Variants in MACROD2 observed in about 807,000 individuals in gnomAD.
MACROD2 encodes ADP-ribose glycohydrolase MACROD2.
Under a neutral mutation model 70.4 loss-of-function variants are expected in MACROD2, and 36 were observed. The ratio of observed to expected loss-of-function variants is 0.51; its 90% CI spans 0.39 to 0.68. The LOEUF is 0.68. Ranked by LOEUF, MACROD2 falls within the 30% of genes least tolerant of loss-of-function variation. MACROD2 has a pLI of 0.00. For synonymous variants in MACROD2, 172 were observed against 178.8 expected, an observed-to-expected ratio of 0.96 and a Z score of 0.30; for missense variants, 496 against 538.4, an observed-to-expected ratio of 0.92 and a Z score of 0.78.
chr20:14,490,391 A>C (rs765035912), intron 3 of MACROD2, among the ~76,000 whole-genome samples: 5 of 152,194 alleles, frequency 3.3e-5, no homozygotes, highest in Non-Finnish European at 5.9e-5. Flanking sequence ...CCTTGCGTGA[A>C]GTTATTTTAG....
At chr20:15,839,691 T>C (rs2064150695) in intron 8 of MACROD2, among the ~76,000 whole-genome samples, 1 of 152,146 alleles carries the variant, frequency 6.6e-6, no homozygotes. Context: ...CTATAAGAAG[T>C]ATAATGAAAA....
At chr20:15,394,680 A>C (rs2045838165) in intron 6 of MACROD2, among the ~76,000 whole-genome samples, 1 of 152,030 alleles carries the variant, frequency 6.6e-6, no homozygotes, top group African/African-American at 2.4e-5. Flanking sequence ...GTCAGTCCAA[A>C]CTCTCATTCA....
intron 5 of MACROD2, among the ~76,000 whole-genome samples, chr20:15,185,128 CTA>C (rs2076526153): frequency 6.6e-6 from 1 of 152,246 alleles, no homozygotes; most frequent in East Asian, 1.9e-4. Flanking sequence ...AGATCATACT[CTA>C]TTTATCTTTG....
chr20:15,764,695 G>T (rs2051494026), intron 8 of MACROD2, among the ~76,000 whole-genome samples: 1 of 152,032 alleles, frequency 6.6e-6, no homozygotes. Flanking sequence ...CTTCCTGATG[G>T]GTTTTCCTGA....
Position 14,757,582 on chromosome 20 carries a change from A to C in MACROD2, c.418+72623A>C, listed in dbSNP as rs542402363. The C allele has an allele frequency of 1.9e-3, 2,072 of 1,077,910 alleles. 9 individuals are homozygous for C. Among genetic ancestry groups the C allele is most frequent in the Non-Finnish European group, 2.7e-3 (1,898 of 715,160 alleles). 66.8% of individuals were successfully genotyped at this position (1,077,910 alleles called of 1,614,324 possible). On this transcript the variant is annotated intron_variant, in intron 5 of 17. Coordinates refer to ENST00000684519, the MANE Select transcript of MACROD2 (RefSeq NM_001351661.2). ...ATCAAGATGTTGATGCCTAAGAAGA[A>C]CCAGATTGCCATTTATGACTCCTTT...
At chr20:15,564,727 C>CT (rs2048288798) in intron 8 of MACROD2, among the ~76,000 whole-genome samples, 1 of 152,126 alleles carries the variant, frequency 6.6e-6, no homozygotes, top group South Asian at 2.1e-4. Flanking sequence ...GGAGAGAAGG[C>CT]TGGTAATATG....
Position 15,998,588 on chromosome 20 carries a change from G to A in MACROD2, c.1153+11430G>A, listed in dbSNP as rs548066422. Among the ~76,000 whole-genome samples the A allele has an allele frequency of 3.3e-3, 456 of 137,560 alleles. 5 individuals carry two copies. Among genetic ancestry groups the A allele is most frequent in the African/African-American group, 0.011 (425 of 37,214 alleles). 90.2% of individuals were successfully genotyped at this position (137,560 alleles called of 152,430 possible). On this transcript the variant is annotated intron_variant, in intron 15 of 17. Transcript: ENST00000684519. ...TCTTTTTTTTTTTTTTTTTTGAGAC[G>A]GAGTCTTGCTCTGTCCCCCAGGCTG...
chr20:16,024,530 G>GAC (rs141641248), intron 15 of MACROD2, among the ~76,000 whole-genome samples: 37,926 of 150,382 alleles, frequency 0.25, 4,857 homozygotes, highest in South Asian at 0.35. Flanking sequence ...CACACACACA[G>GAC]ACACACACAC....
chr20:14,076,462 G>A (rs2053917698), intron 2 of MACROD2, among the ~76,000 whole-genome samples: 1 of 151,678 alleles, frequency 6.6e-6, no homozygotes, highest in South Asian at 2.1e-4. Context: ...ATCAGTCTGG[G>A]CAACATGGTG....
chr20:15,386,933 C>T (rs1386100665), intron 6 of MACROD2, among the ~76,000 whole-genome samples: 2 of 152,182 alleles, frequency 1.3e-5, no homozygotes, highest in African/African-American at 4.8e-5. Context: ...GACAGAAAAC[C>T]TCATTTTCAA....
chr20:14,289,643 G>T (rs1352043386), intron 3 of MACROD2, among the ~76,000 whole-genome samples: 1 of 152,156 alleles, frequency 6.6e-6, no homozygotes, highest in Non-Finnish European at 1.5e-5. Flanking sequence ...CTGGGCTAAG[G>T]TGAACCTCCC....
intron 5 of MACROD2, among the ~76,000 whole-genome samples, chr20:14,736,860 A>G (rs2071671493): frequency 1.3e-5 from 2 of 152,192 alleles, no homozygotes; most frequent in Non-Finnish European, 2.9e-5. Context: ...GCAGCAAAAA[A>G]TGGAAACAAA....
chr20:14,483,810 C>A (rs540863135), intron 3 of MACROD2, among the ~76,000 whole-genome samples: 144 of 152,180 alleles, frequency 9.5e-4, no homozygotes, highest in African/African-American at 3.3e-3. Flanking sequence ...TCTTTTCTAG[C>A]CAAGTTTTTC....
At chr20:15,385,066 A>G (rs1374223395) in intron 6 of MACROD2, among the ~76,000 whole-genome samples, 1 of 152,170 alleles carries the variant, frequency 6.6e-6, no homozygotes, top group African/African-American at 2.4e-5. Flanking sequence ...AGGTTCTGTA[A>G]TCAATGGTGT....
chr20:16,017,120 A>T (rs554245528), intron 15 of MACROD2, among the ~76,000 whole-genome samples: 1 of 152,168 alleles, frequency 6.6e-6, no homozygotes, highest in African/African-American at 2.4e-5. Context: ...ATCTTGAACC[A>T]CTGCCCTCTT....
chr20:14,828,764 A>G (rs1036704822), intron 5 of MACROD2, among the ~76,000 whole-genome samples: 10 of 152,084 alleles, frequency 6.6e-5, no homozygotes, highest in Non-Finnish European at 1.5e-4. Context: ...GTGTTACATC[A>G]TGCTAATAAC....
intron 5 of MACROD2, among the ~76,000 whole-genome samples, chr20:15,055,864 C>T (rs1239777066): frequency 1.3e-5 from 2 of 149,600 alleles, no homozygotes; most frequent in South Asian, 2.1e-4. Context: ...GGCGCCATCT[C>T]GGCTCACTGC....
intron 3 of MACROD2, among the ~76,000 whole-genome samples, chr20:14,146,896 G>A (rs1601280039): frequency 6.6e-6 from 1 of 152,300 alleles, no homozygotes; most frequent in South Asian, 2.1e-4. Flanking sequence ...CAGTCACTTG[G>A]AGAGCTAATA....
intron 8 of MACROD2, among the ~76,000 whole-genome samples, chr20:15,609,757 T>A (rs2048941256): frequency 1.3e-5 from 2 of 152,250 alleles, no homozygotes; most frequent in South Asian, 4.1e-4. Flanking sequence ...GATTTCTCAA[T>A]GCTTTATTAA....
Sources: allele counts gnomAD v4.1 joint callset (sites outside exome capture counted in the v4.1 genomes callset), GRCh38; gene constraint gnomAD v4.1.1; transcripts MANE v1.5; gene names NCBI Gene and HGNC (gene_info 2026-07-23, HGNC 2026-07-21).